The following BRWD1 variants were observed in gnomAD, a reference collection of about 807,000 sequenced individuals.
BRWD1 encodes the protein bromodomain and WD repeat domain containing 1.
Under a neutral mutation model 251.2 loss-of-function variants are expected in BRWD1, and 82 were observed. The ratio of observed to expected loss-of-function variants is 0.33; its 90% CI spans 0.27 to 0.39. BRWD1 has a LOEUF of 0.39. Among genes scored for constraint, BRWD1 ranks in the 10% least tolerant of loss-of-function variants. The pLI is 1.00. For missense variants in BRWD1, 2,233 were observed against 2,711.6 expected, an observed-to-expected ratio of 0.82 and a Z score of 3.92; for synonymous variants, 918 against 902.8, an observed-to-expected ratio of 1.02 and a Z score of -0.30.
At chr21:39,241,423 G>A (rs2033987837) in intron 21 of BRWD1, among the ~76,000 whole-genome samples, 1 of 128,042 alleles carries the variant, frequency 7.8e-6, no homozygotes, top group Non-Finnish European at 1.6e-5. Flanking sequence ...AGCCAAGACT[G>A]TGCCACTGCA....
At chr21:39,247,957 GGT>G in intron 20 of BRWD1, 125 bp from the exon 21 acceptor site, 6 of 1,172,546 alleles carry the variant, frequency 5.1e-6, no homozygotes, top group Non-Finnish European at 6.8e-6. Flanking sequence ...TTAAAAAGAA[GGT>G]AGCATTTTTG....
At chr21:39,259,552 C>T (rs937308713) in intron 17 of BRWD1, among the ~76,000 whole-genome samples, 2 of 152,176 alleles carry the variant, frequency 1.3e-5, no homozygotes, top group African/African-American at 4.8e-5. Context: ...CCCACCTCGA[C>T]CTCCCAAAGT....
intron 8 of BRWD1, among the ~76,000 whole-genome samples, chr21:39,289,664 G>A (rs1016186185): frequency 4.6e-5 from 7 of 151,892 alleles, no homozygotes; most frequent in African/African-American, 1.7e-4. Context: ...TTATTGACTG[G>A]CATTTTCTAT....
chr21:39,231,974 C>T (rs1353130972), intron 25 of BRWD1, among the ~76,000 whole-genome samples: 1 of 152,164 alleles, frequency 6.6e-6, no homozygotes, highest in East Asian at 1.9e-4. Context: ...ACATTTTACA[C>T]ACCAATCAGC....
Position 39,187,181 on chromosome 21 carries a change from G to A in BRWD1, c.*9078C>T, listed in dbSNP as rs758176006. 6 of 1,613,612 alleles carry A rather than the reference G, an allele frequency of 3.7e-6. No homozygotes were observed. The highest frequency in any genetic ancestry group is 2.2e-5 in the East Asian group (1 of 44,880). ...TTCTTAGCCGCAGCAGAAGCATTTCGATGGGGCAGTTTTCTGCTACTCTTC... is the reference window on the plus strand; with the variant it reads ...TTCTTAGCCGCAGCAGAAGCATTTCAATGGGGCAGTTTTCTGCTACTCTTC... On this transcript the variant is annotated 3_prime_UTR_variant, in exon 41 of 41. Transcript: ENST00000342449.
In BRWD1 at chr21:39,270,418, T is replaced by C; in HGVS notation, c.1260A>G (p.Glu420=). 6.2e-7 allele frequency: 1 copy of C among 1,607,330 alleles called. No homozygotes were observed. The highest frequency in any genetic ancestry group is 1.1e-5 in the South Asian group (1 of 89,552). The change falls in exon 14 of 41, where the codon GAA becomes GAG. Residue 420 remains glutamate, a synonymous_variant. Coordinates refer to ENST00000342449, the MANE Select transcript of BRWD1 (RefSeq NM_033656.4). ...CTTTAGGTTTCATAAACCTTTCCTC[T>C]TCGGAAGATAAGTCCCTAACAAAAA... The part of the protein sequence containing the change: ...ATRISGDLSS[E]EERFMKPKVT...
At position 39,194,946 on chromosome 21, in the gene BRWD1, A is replaced by T; in HGVS notation, c.*1313T>A. Reference sequence around the variant, plus strand: ...CATATCCCTTACCCACTAAATATGTAAACCATTTGAATCAAGTCCATCTTC... The same window carrying T: ...CATATCCCTTACCCACTAAATATGTTAACCATTTGAATCAAGTCCATCTTC... On this transcript the variant is annotated 3_prime_UTR_variant, in exon 41 of 41. Transcript: ENST00000342449. 1 of 1,464,112 alleles carries T rather than the reference A, an allele frequency of 6.8e-7. No individual in the cohort carries two copies. The highest frequency in any genetic ancestry group is 9.0e-7 in the Non-Finnish European group (1 of 1,113,098). The allele number at this position is 1,464,112 out of a possible 1,614,324, so 90.7% of individuals were successfully genotyped here.
chr21:39,196,254 C>G lies in BRWD1; in HGVS notation c.*5G>C, dbSNP rs772059099. The stretch of plus-strand genomic sequence containing the variant: ...CCTCTTAAATGAACTGGCTTTCCCT[C>G]AAGGTCATAAGGTGCAACCATTGAA... On this transcript the variant is annotated 3_prime_UTR_variant, in exon 41 of 41. Transcript: ENST00000342449. The G allele has an allele frequency of 2.0e-4, 315 of 1,565,264 alleles. 1 individual carries two copies. Among genetic ancestry groups the G allele is most frequent in the Non-Finnish European group, 2.6e-4 (302 of 1,159,190 alleles).
chr21:39,217,010 A>AATATATAT (rs67133519), intron 31 of BRWD1: 2 of 78,134 alleles, frequency 2.6e-5, no homozygotes, highest in East Asian at 5.7e-4. Flanking sequence ...AGCTCCCACA[A>AATATATAT]ATATATATAT....
intron 17 of BRWD1, among the ~76,000 whole-genome samples, chr21:39,262,703 G>C (rs1452863466): frequency 6.6e-6 from 1 of 151,942 alleles, no homozygotes; most frequent in Admixed American, 6.6e-5. Context: ...GACGGAGCAA[G>C]ACTCCGTCTC....
At chr21:39,315,556 C>T (rs1005611348), upstream of BRWD1, among the ~76,000 whole-genome samples, 2 of 152,026 alleles carry the variant, frequency 1.3e-5, no homozygotes, top group Non-Finnish European at 2.9e-5. Flanking sequence ...ATCGCTTGAA[C>T]CCCGGAGGCG....
intron 4 of BRWD1, 144 bp downstream of exon 4, chr21:39,312,697 A>G: frequency 2.2e-6 from 1 of 459,298 alleles, no homozygotes; most frequent in Non-Finnish European, 3.9e-6. Flanking sequence ...CAAAATCTTC[A>G]GCCGGGAACG....
rs2031396559 is a variant in BRWD1 at position 39,188,927 on chromosome 21, C to T, written c.*7332G>A. 3.0e-6 allele frequency: 3 copies of T among 985,364 alleles called. No homozygotes were observed. Among genetic ancestry groups the T allele is most frequent in the Non-Finnish European group, 3.6e-6 (3 of 829,910 alleles). 61.0% of individuals were successfully genotyped at this position (985,364 alleles called of 1,614,324 possible). ...TACCAGAGTAAGACACTCATCACGG[C>T]ATTACTCTCATGCAGCATGCCCTTA... On this transcript the variant is annotated 3_prime_UTR_variant, in exon 41 of 41. Transcript: ENST00000342449.
chr21:39,195,144 T>C lies in BRWD1; in HGVS notation c.*1115A>G, dbSNP rs1601230081. The C allele has an allele frequency of 9.0e-7, 1 of 1,105,356 alleles. No individual in the cohort carries two copies. The highest frequency in any genetic ancestry group is 1.1e-6 in the Non-Finnish European group (1 of 905,354). The allele number at this position is 1,105,356 out of a possible 1,614,324, so 68.5% of individuals were successfully genotyped here. A position where few individuals can be genotyped will look rare whatever the true frequency, so the allele number is the denominator to read the frequency against. ...TTATATTTGGACTAGAAGTCACTAATAAAGATACATTTAGTTGCCCCAGCA... is the reference window on the plus strand; with the variant it reads ...TTATATTTGGACTAGAAGTCACTAACAAAGATACATTTAGTTGCCCCAGCA... On this transcript the variant is annotated 3_prime_UTR_variant, in exon 41 of 41. Transcript: ENST00000342449.
At chr21:39,239,906 G>A (rs1173700932) in intron 21 of BRWD1, among the ~76,000 whole-genome samples, 3 of 152,030 alleles carry the variant, frequency 2.0e-5, no homozygotes, top group Non-Finnish European at 4.4e-5. Flanking sequence ...CCCAAATGAG[G>A]TGAAAAATTA....
intron 4 of BRWD1, among the ~76,000 whole-genome samples, chr21:39,305,411 A>C (rs918466630): frequency 6.6e-6 from 1 of 152,170 alleles, no homozygotes; most frequent in African/African-American, 2.4e-5. Flanking sequence ...GCCTATGGAA[A>C]CTAGTAACTA....
In BRWD1 at chr21:39,312,596, G is replaced by A. The variant is rs993546034; in HGVS notation, c.198+245C>T. The A allele has an allele frequency of 2.1e-4, 75 of 360,870 alleles. 2 individuals carry two copies. The highest frequency in any genetic ancestry group is 1.5e-3 in the African/African-American group (67 of 46,198). The allele number at this position is 360,870 out of a possible 1,614,324, so 22.4% of individuals were successfully genotyped here. A position where few individuals can be genotyped will look rare whatever the true frequency, so the allele number is the denominator to read the frequency against. On this transcript the variant is annotated intron_variant, in intron 4 of 40. Transcript: ENST00000342449. The stretch of plus-strand genomic sequence containing the variant: ...ACCTGGAGCCCCACCCCTGCCGCAG[G>A]ACCTCCGCGAGTCGCCCCCACCGCT...
chr21:39,304,356 A>G (rs976684791), intron 4 of BRWD1, among the ~76,000 whole-genome samples: 3 of 152,258 alleles, frequency 2.0e-5, no homozygotes, highest in South Asian at 2.1e-4. Context: ...CACACCTATA[A>G]TCCCAGCACT....
chr21:39,233,845 C>A (rs1477289229), intron 23 of BRWD1, among the ~76,000 whole-genome samples: 1 of 152,064 alleles, frequency 6.6e-6, no homozygotes, highest in Non-Finnish European at 1.5e-5. Flanking sequence ...CATGGTGAAA[C>A]CCCGTCTCTA....
Sources: allele counts gnomAD v4.1 joint callset (sites outside exome capture counted in the v4.1 genomes callset), GRCh38; gene constraint gnomAD v4.1.1; transcripts MANE v1.5; gene names NCBI Gene and HGNC (gene_info 2026-07-23, HGNC 2026-07-21).